Variants in SEMA4C observed in about 807,000 individuals in gnomAD.
The protein encoded by SEMA4C is semaphorin 4C.
Under a neutral mutation model 89.0 loss-of-function variants are expected in SEMA4C, and 19 were observed. The ratio of observed to expected loss-of-function variants is 0.21; its 90% CI spans 0.15 to 0.31. The LOEUF is 0.31. Ranked by LOEUF, SEMA4C falls within the 10% of genes least tolerant of loss-of-function variation. The probability of loss-of-function intolerance (pLI) is 1.00; values close to 1 mark genes in which losing one functional copy is unlikely to be tolerated. For missense variants in SEMA4C, 811 were observed against 1,107.0 expected (o/e 0.73, Z 3.79); for synonymous variants, 428 against 472.7 (o/e 0.91, Z 1.23).
intron 2 of SEMA4C, among the ~76,000 whole-genome samples, chr2:96,867,385 C>T (rs774697159): frequency 1.4e-4 from 21 of 152,198 alleles, no homozygotes; most frequent in Non-Finnish European, 2.9e-4. Context: ...ACACACACTT[C>T]CAGGGCCACC....
intron 2 of SEMA4C, 163 bp from the exon 3 acceptor site, chr2:96,866,594 C>T: frequency 1.1e-6 from 1 of 945,266 alleles, no homozygotes; most frequent in Non-Finnish European, 1.7e-6. Flanking sequence ...CCCTGACAGC[C>T]CCACCTGGGC....
At position 96,864,822 on chromosome 2, in the gene SEMA4C, C is replaced by T. The variant is rs760978241; in HGVS notation, c.845G>A (p.Arg282Gln). 6 of 1,613,806 alleles carry T rather than the reference C, an allele frequency of 3.7e-6. No homozygotes were observed. In the Admixed American group the frequency reaches 1.0e-4, roughly 27 times the overall value. The change falls in exon 9 of 15, where the codon CGG (arginine) becomes CAG (glutamine). Residue 282 changes from arginine (R) to glutamine (Q), a missense_variant. Coordinates refer to ENST00000305476, the MANE Select transcript of SEMA4C (RefSeq NM_017789.5). This position sits in a 1 kb window ranked among gnomAD's most constrained non-coding sequence, Gnocchi z 6.3. The part of the protein sequence containing the change: ...QRKWTTFLKA[R>Q]LACSAPNWQL... ...CCAGTTCGGGGCAGAGCATGCCAGC[C>T]GCGCCTTCAGGAACGTGGTCCACTT...
rs1209076993 is a variant in SEMA4C, at chr2:96,860,875, C to G, written c.2253G>C (p.Arg751=). ...AAGGGGGCCCCCCACCGGGCTGGCA[C>G]CGGGCATGCCCAGGTACTATCTTAA... is the stretch of plus-strand genomic sequence containing the variant. ...GSLKIVPGHA[R]CQPGGGPPSP... The change falls in exon 15 of 15, where the codon CGG becomes CGC. Residue 751 remains arginine, a synonymous_variant. Coordinates refer to ENST00000305476, the MANE Select transcript of SEMA4C (RefSeq NM_017789.5). The G allele has an allele frequency of 6.2e-7, 1 of 1,613,044 alleles. No individual in the cohort carries two copies. Among genetic ancestry groups the G allele is most frequent in the African/African-American group, 1.3e-5 (1 of 74,926 alleles).
intron 12 of SEMA4C, 136 bp downstream of exon 12, chr2:96,863,546 G>A (rs2080000279): frequency 2.4e-6 from 3 of 1,244,702 alleles, no homozygotes; most frequent in Non-Finnish European, 3.3e-6. Flanking sequence ...GTTAGGCAAG[G>A]TGTGCATCCA....
At position 96,866,313 on chromosome 2, in the gene SEMA4C, G is replaced by A. The variant is rs1489874124; in HGVS notation, c.228C>T (p.Phe76=). The stretch of plus-strand genomic sequence containing the variant: ...CTTGCAGCTCCAGGGCCTCCATGCT[G>A]AAGGCAAACAGGGCCTCTCGGGCGC... ...YVGAREALFA[F]SMEALELQGA... Residue 76 remains phenylalanine, a synonymous_variant, in exon 3 of 15, where the codon TTC becomes TTT. Transcript: ENST00000305476. 16 of 1,612,568 alleles carry A rather than the reference G, an allele frequency of 9.9e-6. No homozygotes were observed. Among genetic ancestry groups the A allele is most frequent in the East Asian group, 2.2e-5 (1 of 44,836 alleles).
At chr2:96,867,489 G>C (rs966899055) in intron 2 of SEMA4C, among the ~76,000 whole-genome samples, 3 of 152,170 alleles carry the variant, frequency 2.0e-5, no homozygotes, top group Admixed American at 2.0e-4. Context: ...CCCGGTTCCA[G>C]TTTCTCTTTA....
intron 11 of SEMA4C, 31 bp downstream of exon 11, chr2:96,863,895 A>G (rs368984659): frequency 9.0e-5 from 143 of 1,597,726 alleles, no homozygotes; most frequent in Admixed American, 1.7e-5. Flanking sequence ...CCCAGCCTTG[A>G]GCAGCCATGC....
intron 2 of SEMA4C, chr2:96,866,683 C>T (rs1301299397): frequency 1.4e-5 from 9 of 649,708 alleles, no homozygotes; most frequent in East Asian, 6.1e-5. Flanking sequence ...CCACAGCTTC[C>T]GGCCAGAGGA....
In SEMA4C at chr2:96,862,046, C is replaced by T. The variant is rs949265324; in HGVS notation, c.1444-152G>A. On this transcript the variant is annotated intron_variant, in intron 12 of 14. Coordinates refer to ENST00000305476, the MANE Select transcript of SEMA4C (RefSeq NM_017789.5). ...GGAGGAACAAGGGAACAAGGCAGAG[C>T]TATAGTGCTGAAAAGGGAACTCTAA... 1.8e-5 allele frequency: 15 copies of T among 813,444 alleles called. 1 individual carries two copies. In the Admixed American group the frequency reaches 3.6e-4, roughly 19 times the overall value. The allele number at this position is 813,444 out of a possible 1,614,324, so 50.4% of individuals were successfully genotyped here.
In SEMA4C at chr2:96,863,800, G is replaced by T; in HGVS notation, c.1331-6C>A. Reference sequence around the variant, plus strand: ...CTTGAGCAGCCAGCCGTCTCCTGGGGGGTGCAGAGGAGAAGGTGTAAATGA... The same window carrying T: ...CTTGAGCAGCCAGCCGTCTCCTGGGTGGTGCAGAGGAGAAGGTGTAAATGA... On this transcript the variant is annotated splice_region_variant and splice_polypyrimidine_tract_variant and intron_variant, in intron 11 of 14. Coordinates refer to ENST00000305476, the MANE Select transcript of SEMA4C (RefSeq NM_017789.5). 6.2e-7 allele frequency: 1 copy of T among 1,612,930 alleles called. No homozygotes were observed. Among genetic ancestry groups the T allele is most frequent in the South Asian group, 1.1e-5 (1 of 91,060 alleles).
chr2:96,865,985 C>T, intron 3 of SEMA4C, 56 bp from the exon 4 acceptor site: 1 of 1,558,790 alleles, frequency 6.4e-7, no homozygotes, highest in Non-Finnish European at 8.8e-7. Flanking sequence ...GAGCACGTGT[C>T]ACAAGCACAG....
chr2:96,860,685 G>A lies in SEMA4C; in HGVS notation c.2443C>T (p.Arg815Cys), dbSNP rs775685547. 2.1e-5 allele frequency: 34 copies of A among 1,613,304 alleles called. No homozygotes were observed. The South Asian group carries it at 2.2e-4, about 10-fold the overall frequency. The change falls in exon 15 of 15, where the codon CGC (arginine) becomes TGC (cysteine). Residue 815 changes from arginine to cysteine, a missense_variant. Coordinates refer to ENST00000305476, the MANE Select transcript of SEMA4C (RefSeq NM_017789.5). ...PLPELADELRRKLQQRQPLPD... is the reference protein window; with the variant it reads ...PLPELADELRCKLQQRQPLPD... ...AGTGGCTGGCGTTGCTGCAGTTTGC[G>A]TCTCAGTTCATCCGCGAGCTCAGGC...
Position 96,861,457 on chromosome 2 carries a change from T to G in SEMA4C, c.1673-2A>C. ...TGATGTTTTTGGGAGTGGGCCTGAC[T>G]GTAGTGGCAGAGAAAACAGAGTGCA... On this transcript the variant is annotated splice_acceptor_variant, in intron 14 of 14. Transcript: ENST00000305476. LOFTEE classifies it high-confidence loss of function. This position sits in a 1 kb window ranked among gnomAD's most constrained non-coding sequence, Gnocchi z 7.8. The G allele has an allele frequency of 6.2e-7, 1 of 1,612,782 alleles. No individual in the cohort carries two copies. The highest frequency in any genetic ancestry group is 1.1e-5 in the South Asian group (1 of 91,070).
intron 4 of SEMA4C, 31 bp downstream of exon 4, chr2:96,865,836 G>C: frequency 1.2e-6 from 2 of 1,613,134 alleles, no homozygotes; most frequent in South Asian, 2.2e-5. Context: ...TGGGGTGAAG[G>C]CAGCACCAGG....
chr2:96,870,328 G>A (rs1391172099), upstream of SEMA4C: 16 of 985,082 alleles, frequency 1.6e-5, no homozygotes, highest in Non-Finnish European at 1.9e-5. Flanking sequence ...CTGGAGGGAG[G>A]TGGGGCGGGG....
intron 2 of SEMA4C, chr2:96,866,785 GC>G: frequency 2.5e-6 from 1 of 401,568 alleles, no homozygotes; most frequent in Non-Finnish European, 4.8e-6. Context: ...TTCCTCGGCG[GC>G]TGCTTCCTTC....
chr2:96,869,942 GC>G lies in SEMA4C; in HGVS notation c.-105del. ...TCGGCTCTGACCGCCGTCCACCCCT[GC>G]CCCCGCGTCGCCGCCTGCCCGCGCT... is the stretch of plus-strand genomic sequence containing the variant. On this transcript the variant is annotated 5_prime_UTR_variant, in exon 1 of 15. Coordinates refer to ENST00000305476, the MANE Select transcript of SEMA4C (RefSeq NM_017789.5). 1.0e-6 allele frequency: 1 copy of G among 986,922 alleles called. No individual in the cohort carries two copies. The highest frequency in any genetic ancestry group is 1.2e-6 in the Non-Finnish European group (1 of 830,776). 61.1% of individuals were successfully genotyped at this position (986,922 alleles called of 1,614,324 possible). A position where few individuals can be genotyped will look rare whatever the true frequency, so the allele number is the denominator to read the frequency against.
chr2:96,866,022 A>T, intron 3 of SEMA4C, 93 bp from the exon 4 acceptor site: 1 of 1,322,518 alleles, frequency 7.6e-7, no homozygotes, highest in Non-Finnish European at 1.1e-6. Flanking sequence ...AGGGACGCCC[A>T]GTGCAGAGGC....
chr2:96,863,622 A>G (rs1334071949), intron 12 of SEMA4C, 60 bp downstream of exon 12: 2 of 1,504,176 alleles, frequency 1.3e-6, no homozygotes, highest in Non-Finnish European at 1.8e-6. Flanking sequence ...AAGCAGCCAG[A>G]TGGAGAGAGT....
Sources: allele counts gnomAD v4.1 joint callset (sites outside exome capture counted in the v4.1 genomes callset), GRCh38; gene constraint gnomAD v4.1.1; non-coding constraint Gnocchi (gnomAD v3.1); transcripts MANE v1.5; gene names NCBI Gene and HGNC (gene_info 2026-07-23, HGNC 2026-07-21).